The following FBXO41 variants were observed in gnomAD, a reference collection of about 807,000 sequenced individuals.
FBXO41 encodes the protein F-box protein 41, also known as F-box only protein 41.
In FBXO41, 33 loss-of-function variants were observed where a neutral mutation model predicts 81.6. That is an observed-to-expected ratio of 0.40 (90% CI 0.31 to 0.54). The LOEUF is 0.54. FBXO41 is among the 20% of genes least tolerant of loss of function. FBXO41 has a pLI of 0.39. For missense variants in FBXO41, 1,107 were observed against 1,236.0 expected (o/e 0.90, Z 1.56); for synonymous variants, 576 against 552.7 (o/e 1.04, Z -0.59).
intron 1 of FBXO41, among the ~76,000 whole-genome samples, chr2:73,273,433 TC>T (rs2103900720): frequency 6.6e-6 from 1 of 152,352 alleles, no homozygotes; most frequent in East Asian, 1.9e-4. Flanking sequence ...TGTGAATTGA[TC>T]CCCAATTTTC....
intron 1 of FBXO41, among the ~76,000 whole-genome samples, chr2:73,273,512 GGGAACA>G (rs1688599749): frequency 6.6e-6 from 1 of 152,154 alleles, no homozygotes; most frequent in Non-Finnish European, 1.5e-5. Flanking sequence ...TTGGCTCCCA[GGGAACA>G]CACATGACCT....
chr2:73,271,207 G>A (rs1688479512), intron 1 of FBXO41: 1 of 322,810 alleles, frequency 3.1e-6, no homozygotes, highest in Non-Finnish European at 6.1e-6. Flanking sequence ...TCCACAGGAT[G>A]TATGGGTGGA....
chr2:73,278,316 T>C (rs1010472117), intron 1 of FBXO41, among the ~76,000 whole-genome samples: 6 of 152,346 alleles, frequency 3.9e-5, no homozygotes, highest in East Asian at 1.9e-4. Context: ...TCCAGTTATA[T>C]GAATTGGTAA....
chr2:73,269,495 T>G lies in FBXO41; in HGVS notation c.136A>C (p.Ser46Arg). ...ETLYILSKTNSICDGAAAAAA... is the reference protein window; with the variant it reads ...ETLYILSKTNRICDGAAAAAA... The stretch of plus-strand genomic sequence containing the variant: ...GCGGCGGCGGCGCCGTCGCAGATGC[T>G]GTTGGTCTTGGAGAGGATGTAGAGC... The change falls in exon 2 of 13, where the codon AGC (serine) becomes CGC (arginine). Residue 46 changes from serine to arginine, a missense_variant. Ser to Arg is a moderately radical substitution (Grantham distance 110). This residue lies in a region of FBXO41 where 771 missense variants were observed against 789.2 expected (regional missense o/e 0.98). Coordinates refer to ENST00000520530, the MANE Select transcript of FBXO41 (RefSeq NM_001371389.2). This position sits in a 1 kb window ranked among gnomAD's most constrained non-coding sequence, Gnocchi z 7.0. 5.4e-6 allele frequency: 7 copies of G among 1,305,926 alleles called. No individual in the cohort carries two copies. Among genetic ancestry groups the G allele is most frequent in the Non-Finnish European group, 6.9e-6 (7 of 1,019,206 alleles). The allele number at this position is 1,305,926 out of a possible 1,614,324, so 80.9% of individuals were successfully genotyped here.
In FBXO41 at chr2:73,258,344, T is replaced by C. The variant is rs1433035415; in HGVS notation, c.*638A>G. 1 of 152,448 alleles carries C rather than the reference T, an allele frequency of 6.6e-6. No homozygotes were observed. The highest frequency in any genetic ancestry group is 1.5e-5 in the Non-Finnish European group (1 of 68,230). The allele number at this position is 152,448 out of a possible 1,614,324, so 9.4% of individuals were successfully genotyped here. ...GTGGTCTCATCCTGGGGAGAAGTTCTGGGTGACTGTTTCCTTTCCAAACCC... is the reference window on the plus strand; with the variant it reads ...GTGGTCTCATCCTGGGGAGAAGTTCCGGGTGACTGTTTCCTTTCCAAACCC... On this transcript the variant is annotated 3_prime_UTR_variant, in exon 13 of 13. Coordinates refer to ENST00000520530, the MANE Select transcript of FBXO41 (RefSeq NM_001371389.2).
chr2:73,260,184 A>G lies in FBXO41; in HGVS notation c.2449+205T>C, dbSNP rs867809246. ...TCAGAGAGGTATAGTAACTTGCCCA[A>G]CATCACTCAGCTAATAAGTAGCAGA... On this transcript the variant is annotated intron_variant, in intron 11 of 12. Coordinates refer to ENST00000520530, the MANE Select transcript of FBXO41 (RefSeq NM_001371389.2). This position sits in a 1 kb window ranked among gnomAD's most constrained non-coding sequence, Gnocchi z 5.0. Among the ~76,000 whole-genome samples the G allele has an allele frequency of 2.0e-5, 3 of 152,156 alleles. No individual in the cohort carries two copies. The highest frequency in any genetic ancestry group is 4.4e-5 in the Non-Finnish European group (3 of 68,016).
In FBXO41 at chr2:73,284,240, G is replaced by T. The variant is rs1688930077; in HGVS notation, c.-219C>A. On this transcript the variant is annotated 5_prime_UTR_variant, in exon 1 of 13. Coordinates refer to ENST00000520530, the MANE Select transcript of FBXO41 (RefSeq NM_001371389.2). The surrounding 1 kb of genome is among the most constrained non-coding windows in gnomAD (Gnocchi z 7.4). ...GAGCCCCCGCGTGCCCGGTCCAGAC[G>T]CAGGGCCGCCTTGGGGCCTCGGATC... The T allele has an allele frequency of 6.6e-6, 1 of 152,314 alleles. No individual in the cohort carries two copies. Among genetic ancestry groups the T allele is most frequent in the African/African-American group, 2.4e-5 (1 of 41,576 alleles). The allele number at this position is 152,314 out of a possible 1,614,324, so 9.4% of individuals were successfully genotyped here. A position where few individuals can be genotyped will look rare whatever the true frequency, so the allele number is the denominator to read the frequency against.
rs1400510890 is a variant in FBXO41, at chr2:73,269,590, C to G, written c.41G>C (p.Gly14Ala). The G allele has an allele frequency of 1.6e-5, 21 of 1,320,222 alleles. No individual in the cohort carries two copies. Among genetic ancestry groups the G allele is most frequent in the Non-Finnish European group, 2.0e-5 (20 of 1,025,114 alleles). The allele number at this position is 1,320,222 out of a possible 1,614,324, so 81.8% of individuals were successfully genotyped here. A position where few individuals can be genotyped will look rare whatever the true frequency, so the allele number is the denominator to read the frequency against. ...LDLPYRCPRC[G>A]EHKRFRSLSS... is the part of the protein sequence containing the mutation. ...CAGGCTCCGGAAGCGCTTGTGCTCC[C>G]CGCAGCGGGGGCAGCGGTACGGCAG... The change falls in exon 2 of 13, where the codon GGG becomes GCG. Residue 14 changes from glycine to alanine, a missense_variant. Coordinates refer to ENST00000520530, the MANE Select transcript of FBXO41 (RefSeq NM_001371389.2). This position sits in a 1 kb window ranked among gnomAD's most constrained non-coding sequence, Gnocchi z 7.0.
At chr2:73,283,727 A>G (rs772699977) in intron 1 of FBXO41, among the ~76,000 whole-genome samples, 1 of 152,176 alleles carries the variant, frequency 6.6e-6, no homozygotes, top group Non-Finnish European at 1.5e-5. Context: ...GCACACCGGC[A>G]CGCACAGACA....
chr2:73,280,811 G>A (rs1688825699), intron 1 of FBXO41, among the ~76,000 whole-genome samples: 1 of 152,194 alleles, frequency 6.6e-6, no homozygotes, highest in Admixed American at 6.5e-5. Context: ...CACATACACT[G>A]GAAGCAGAGA....
rs1259964896 is a variant in FBXO41, at chr2:73,259,094, G to A, written c.2566-50C>T. 2 of 1,605,742 alleles carry A rather than the reference G, an allele frequency of 1.2e-6. No individual in the cohort carries two copies. The highest frequency in any genetic ancestry group is 1.7e-5 in the Admixed American group (1 of 58,988). On this transcript the variant is annotated intron_variant, in intron 12 of 12. Transcript: ENST00000520530. The surrounding 1 kb of genome is among the most constrained non-coding windows in gnomAD (Gnocchi z 4.2). ...TCTCCCTCCGTGCCAGGCAGGTGGG[G>A]CCCTCCTGCCACACTCACCCAGGTC...
chr2:73,278,491 C>T (rs1473908788), intron 1 of FBXO41, among the ~76,000 whole-genome samples: 1 of 152,222 alleles, frequency 6.6e-6, no homozygotes, highest in African/African-American at 2.4e-5. Flanking sequence ...GTGCCATGAG[C>T]TATACCAGGT....
intron 1 of FBXO41, among the ~76,000 whole-genome samples, chr2:73,280,144 A>G (rs77788622): frequency 0.086 from 10,684 of 124,522 alleles, 509 homozygotes; most frequent in East Asian, 0.22. Context: ...CCAAAACGCC[A>G]CCCTGGCAAG....
Position 73,257,969 on chromosome 2 carries a change from A to C in FBXO41, c.*1013T>G, listed in dbSNP as rs1370233575. The C allele has an allele frequency of 6.6e-6, 1 of 152,386 alleles. No individual in the cohort carries two copies. The highest frequency in any genetic ancestry group is 2.4e-5 in the African/African-American group (1 of 41,460). 9.4% of individuals were successfully genotyped at this position (152,386 alleles called of 1,614,324 possible). On this transcript the variant is annotated 3_prime_UTR_variant, in exon 13 of 13. Transcript: ENST00000520530. This position sits in a 1 kb window ranked among gnomAD's most constrained non-coding sequence, Gnocchi z 4.6. ...AGCTAATTAGACAAGGAAGCAAAGC[A>C]AGCCACCCTCCTCCTGGCTTCCTCC...
chr2:73,265,861 G>A, intron 4 of FBXO41, 32 bp downstream of exon 4: 1 of 1,559,960 alleles, frequency 6.4e-7, no homozygotes, highest in Non-Finnish European at 8.7e-7. Flanking sequence ...GTGAGGGTGG[G>A]CTGCATGGGG....
rs1033716206 is a variant in FBXO41, at chr2:73,257,465, G to C, written c.*1517C>G. On this transcript the variant is annotated 3_prime_UTR_variant, in exon 13 of 13. Transcript: ENST00000520530. This position sits in a 1 kb window ranked among gnomAD's most constrained non-coding sequence, Gnocchi z 4.6. ...TTCATGTCCAAGCCAGGTTGTGTTA[G>C]GAAGTTGGGTCCCTGGGAAGGACTG... 6.6e-6 allele frequency: 1 copy of C among 152,236 alleles called. No homozygotes were observed. The highest frequency in any genetic ancestry group is 2.4e-5 in the African/African-American group (1 of 41,436). 9.4% of individuals were successfully genotyped at this position (152,236 alleles called of 1,614,324 possible).
rs367605676 is a variant in FBXO41 at position 73,263,781 on chromosome 2, T to A, written c.1972A>T (p.Asn658Tyr). 1.5e-5 allele frequency: 24 copies of A among 1,613,662 alleles called. No homozygotes were observed. Among genetic ancestry groups the A allele is most frequent in the Non-Finnish European group, 1.9e-5 (23 of 1,179,856 alleles). The change falls in exon 8 of 13, where the codon AAC becomes TAC. Residue 658 changes from asparagine to tyrosine, a missense_variant. Transcript: ENST00000520530. ...TGGGAGATGCGCAGGATCAGCAGGTTCCCCCCAGCTGCCTTCAGCAGGGAC... is the reference window on the plus strand; with the variant it reads ...TGGGAGATGCGCAGGATCAGCAGGTACCCCCCAGCTGCCTTCAGCAGGGAC... ...LESLLKAAGG[N>Y]LLILRISHCP...
chr2:73,265,644 G>A lies in FBXO41; in HGVS notation c.1206-4C>T. 7 of 1,502,534 alleles carry A rather than the reference G, an allele frequency of 4.7e-6. No individual in the cohort carries two copies. The highest frequency in any genetic ancestry group is 5.3e-6 in the Non-Finnish European group (6 of 1,125,492). The allele number at this position is 1,502,534 out of a possible 1,614,324, so 93.1% of individuals were successfully genotyped here. On this transcript the variant is annotated splice_region_variant and splice_polypyrimidine_tract_variant and intron_variant, in intron 4 of 12. Coordinates refer to ENST00000520530, the MANE Select transcript of FBXO41 (RefSeq NM_001371389.2). ...GGCTGGCACACGGCTGGAGGCCCTG[G>A]GGCAGGGTGGACCACACAGTAAGGG...
chr2:73,266,031 A>C lies in FBXO41; in HGVS notation c.1132-65T>G. The C allele has an allele frequency of 6.9e-7, 1 of 1,440,460 alleles. No homozygotes were observed. Among genetic ancestry groups the C allele is most frequent in the South Asian group, 1.2e-5 (1 of 80,894 alleles). The allele number at this position is 1,440,460 out of a possible 1,614,324, so 89.2% of individuals were successfully genotyped here. A position where few individuals can be genotyped will look rare whatever the true frequency, so the allele number is the denominator to read the frequency against. On this transcript the variant is annotated intron_variant, in intron 3 of 12. Coordinates refer to ENST00000520530, the MANE Select transcript of FBXO41 (RefSeq NM_001371389.2). This position sits in a 1 kb window ranked among gnomAD's most constrained non-coding sequence, Gnocchi z 5.3. Reference sequence around the variant, plus strand: ...AGGAGGCAAGAGGATGAGCAGGAATAGCAGGGGAAACAGGGCAAAAGATGG... The same window carrying C: ...AGGAGGCAAGAGGATGAGCAGGAATCGCAGGGGAAACAGGGCAAAAGATGG...
Sources: allele counts gnomAD v4.1 joint callset (sites outside exome capture counted in the v4.1 genomes callset), GRCh38; gene constraint gnomAD v4.1.1; regional missense constraint gnomAD v4.1.1; non-coding constraint Gnocchi (gnomAD v3.1); transcripts MANE v1.5; gene names NCBI Gene and HGNC (gene_info 2026-07-23, HGNC 2026-07-21).